SIN3B: variants seen among roughly 807,000 people sequenced by gnomAD.
SIN3B encodes the protein paired amphipathic helix protein Sin3b.
A neutral mutation model predicts 120.2 loss-of-function variants in SIN3B; 19 were observed. The ratio of observed to expected loss-of-function variants is 0.16; its 90% CI spans 0.11 to 0.23. The LOEUF is 0.23. Among genes scored for constraint, SIN3B ranks in the 10% least tolerant of loss-of-function variants. The pLI is 1.00. For synonymous variants in SIN3B, 654 were observed against 653.2 expected (o/e 1.00, Z -0.02); for missense variants, 1,073 against 1,573.0 (o/e 0.68, Z 5.38).
chr19:16,875,783 T>G (rs1213041661), intron 14 of SIN3B: 3 of 489,102 alleles, frequency 6.1e-6, no homozygotes, highest in Non-Finnish European at 1.1e-5. Context: ...TTTGGTCTGG[T>G]CTGGTCTGGT....
intron 3 of SIN3B, among the ~76,000 whole-genome samples, chr19:16,838,221 C>T (rs1259889518): frequency 4.0e-5 from 6 of 149,836 alleles, no homozygotes; most frequent in Non-Finnish European, 7.4e-5. Flanking sequence ...TGATACTGTT[C>T]ACATAACATA....
At chr19:16,875,674 TGGTCTGGTCTGGTCTGGTCTGGTCGGTTC>T (rs2051589913) in intron 14 of SIN3B, among the ~76,000 whole-genome samples, 1 of 147,772 alleles carries the variant, frequency 6.8e-6, no homozygotes, top group Non-Finnish European at 1.5e-5. Context: ...CTGTTTGGTC[TGGTCTGGTCTGGTCTGGTCTGGTCGGTTC>T]GGTCTGGTCT....
At chr19:16,852,678 C>T (rs1268528758) in intron 6 of SIN3B, among the ~76,000 whole-genome samples, 3 of 152,238 alleles carry the variant, frequency 2.0e-5, no homozygotes, top group Non-Finnish European at 2.9e-5. Context: ...CAACATTTGG[C>T]TTCTCCAGGG....
chr19:16,869,067 C>T (rs908501297), intron 12 of SIN3B, among the ~76,000 whole-genome samples: 10 of 152,292 alleles, frequency 6.6e-5, no homozygotes, highest in East Asian at 5.8e-4. Flanking sequence ...AGGAGGAGGT[C>T]AGCCTCAGAG....
At position 16,878,703 on chromosome 19, in the gene SIN3B, C is replaced by T. The variant is rs2051647174; in HGVS notation, c.3369C>T (p.Tyr1123=). ...GLPVTRYRVQ[Y]SRRPASP Reference sequence around the variant, plus strand: ...CCGTGACCCGCTACCGCGTGCAGTACAGCCGCCGCCCGGCCTCGCCCTGAC... The same window carrying T: ...CCGTGACCCGCTACCGCGTGCAGTATAGCCGCCGCCCGGCCTCGCCCTGAC... The change falls in exon 19 of 19, where the codon TAC becomes TAT. Residue 1123 remains tyrosine (Y), a synonymous_variant. Transcript: ENST00000248054. 1.9e-6 allele frequency: 3 copies of T among 1,607,516 alleles called. No individual in the cohort carries two copies. The highest frequency in any genetic ancestry group is 2.7e-5 in the African/African-American group (2 of 74,842).
chr19:16,853,195 A>C, intron 7 of SIN3B, 37 bp downstream of exon 7: 1 of 1,591,686 alleles, frequency 6.3e-7, no homozygotes, highest in South Asian at 1.1e-5. Flanking sequence ...TGGGGATGCC[A>C]TGTCCAGCTG....
chr19:16,866,556 G>A lies in SIN3B; in HGVS notation c.1806G>A (p.Glu602=), dbSNP rs1360381671. The change falls in exon 12 of 19, where the codon GAG becomes GAA. Residue 602 remains glutamate, a splice_region_variant and synonymous_variant. Transcript: ENST00000248054. ...ACGAGATCGAGAGCGTCTACGACGA[G>A]GTAAAGCCTTCCCTAGCCCTGCCGG... ...LLNEIESVYD[E]HQEQHSEGRS... 1 of 1,613,460 alleles carries A rather than the reference G, an allele frequency of 6.2e-7. No homozygotes were observed. Among genetic ancestry groups the A allele is most frequent in the Non-Finnish European group, 8.5e-7 (1 of 1,179,934 alleles).
Position 16,871,382 on chromosome 19 carries a change from A to C in SIN3B, c.2576A>C (p.Gln859Pro). 6.2e-7 allele frequency: 1 copy of C among 1,610,430 alleles called. No individual in the cohort carries two copies. The highest frequency in any genetic ancestry group is 8.5e-7 in the Non-Finnish European group (1 of 1,177,926). Residue 859 changes from glutamine (Q) to proline (P), a missense_variant, in exon 14 of 19, where the codon CAG becomes CCG. Gln to Pro is a moderately conservative substitution (Grantham distance 76). This residue lies in a region of SIN3B where 24 missense variants were observed against 65.7 expected (regional missense o/e 0.37). Coordinates refer to ENST00000248054, the MANE Select transcript of SIN3B (RefSeq NM_001297595.2). Reference protein sequence around the residue: ...YVGFTMDKLVQNIARQLHHLV... With the variant: ...YVGFTMDKLVPNIARQLHHLV... Reference sequence around the variant, plus strand: ...GGCTTCACCATGGACAAGCTGGTGCAGAACATTGCGCGGCAGGTGAGCCGG... The same window carrying C: ...GGCTTCACCATGGACAAGCTGGTGCCGAACATTGCGCGGCAGGTGAGCCGG...
chr19:16,879,408 G>C lies in SIN3B; in HGVS notation c.*681G>C, dbSNP rs2051663014. 1 of 152,358 alleles carries C rather than the reference G, an allele frequency of 6.6e-6. No individual in the cohort carries two copies. Among genetic ancestry groups the C allele is most frequent in the African/African-American group, 2.4e-5 (1 of 41,460 alleles). 9.4% of individuals were successfully genotyped at this position (152,358 alleles called of 1,614,324 possible). On this transcript the variant is annotated 3_prime_UTR_variant, in exon 19 of 19. Transcript: ENST00000248054. ...AAGACACCCAACCCCAACTCCAGCA[G>C]CTGGACTCTGGGCCCACAAGGGGAG...
In SIN3B at chr19:16,829,859, C is replaced by T. The variant is rs372681297; in HGVS notation, c.189C>T (p.Asn63=). ...IRFGSDPATY[N]GFLEIMKEFK... Reference sequence around the variant, plus strand: ...TTGGCAGCGACCCTGCCACCTACAACGGCTTCCTGGAGATCATGAAGGAGT... The same window carrying T: ...TTGGCAGCGACCCTGCCACCTACAATGGCTTCCTGGAGATCATGAAGGAGT... The change falls in exon 2 of 19, where the codon AAC becomes AAT. Residue 63 remains asparagine (N), a synonymous_variant. Coordinates refer to ENST00000248054, the MANE Select transcript of SIN3B (RefSeq NM_001297595.2). 8 of 1,613,690 alleles carry T rather than the reference C, an allele frequency of 5.0e-6. No individual in the cohort carries two copies. In the African/African-American group the frequency reaches 8.0e-5, roughly 16 times the overall value.
intron 3 of SIN3B, among the ~76,000 whole-genome samples, chr19:16,834,299 A>G (rs1971317289): frequency 6.6e-6 from 1 of 152,216 alleles, no homozygotes; most frequent in African/African-American, 2.4e-5. Context: ...AAAGAGCCAG[A>G]GTGAAAAGAT....
intron 14 of SIN3B, chr19:16,871,773 C>T (rs1260640653): frequency 5.1e-6 from 1 of 194,270 alleles, no homozygotes; most frequent in African/African-American, 2.4e-5. Flanking sequence ...CTGTAATACT[C>T]CATTGCGTGG....
In SIN3B at chr19:16,876,802, A is replaced by G; in HGVS notation, c.2859+224A>G. 1 of 498,534 alleles carries G rather than the reference A, an allele frequency of 2.0e-6. No homozygotes were observed. 30.9% of individuals were successfully genotyped at this position (498,534 alleles called of 1,614,324 possible). On this transcript the variant is annotated intron_variant, in intron 16 of 18. Coordinates refer to ENST00000248054, the MANE Select transcript of SIN3B (RefSeq NM_001297595.2). The surrounding 1 kb of genome is among the most constrained non-coding windows in gnomAD (Gnocchi z 7.1). ...TCCAAAGAGCAGACCACTCCTCCTG[A>G]GCAAGCGGTTGTGTCCCAGGGCAGG... is the stretch of plus-strand genomic sequence containing the variant.
chr19:16,837,718 C>T (rs1335416905), intron 3 of SIN3B, among the ~76,000 whole-genome samples: 1 of 151,996 alleles, frequency 6.6e-6, no homozygotes, highest in Non-Finnish European at 1.5e-5. Flanking sequence ...TGACAAGGAC[C>T]AGAGGGGGTT....
intron 5 of SIN3B, among the ~76,000 whole-genome samples, chr19:16,847,448 C>T (rs1216274044): frequency 6.6e-6 from 1 of 152,224 alleles, no homozygotes; most frequent in Non-Finnish European, 1.5e-5. Context: ...TGCCTGGGAC[C>T]CCAGCCCTGT....
At chr19:16,853,785 C>T (rs188497629) in intron 7 of SIN3B, among the ~76,000 whole-genome samples, 48 of 145,100 alleles carry the variant, frequency 3.3e-4, no homozygotes, top group Admixed American at 2.5e-3. Context: ...GTGAATTGCA[C>T]GGATCGCATG....
At chr19:16,874,573 T>TTGGTC (rs1443990436) in intron 14 of SIN3B, among the ~76,000 whole-genome samples, 1 of 150,834 alleles carries the variant, frequency 6.6e-6, no homozygotes, top group South Asian at 2.1e-4. Flanking sequence ...TTGGTCTGAT[T>TTGGTC]TGGTCTGGTC....
At chr19:16,836,454 G>C (rs2144577034) in intron 3 of SIN3B, among the ~76,000 whole-genome samples, 1 of 152,318 alleles carries the variant, frequency 6.6e-6, no homozygotes, top group African/African-American at 2.4e-5. Flanking sequence ...GCTCCACAGA[G>C]AGCCCCCTAG....
At chr19:16,831,460 A>G in intron 2 of SIN3B, 34 bp from the exon 3 acceptor site, 1 of 1,604,724 alleles carries the variant, frequency 6.2e-7, no homozygotes, top group Non-Finnish European at 8.5e-7. Context: ...TTATTTCCCA[A>G]GACCCTTTTG....
Sources: allele counts gnomAD v4.1 joint callset (sites outside exome capture counted in the v4.1 genomes callset), GRCh38; gene constraint gnomAD v4.1.1; regional missense constraint gnomAD v4.1.1; non-coding constraint Gnocchi (gnomAD v3.1); transcripts MANE v1.5; gene names NCBI Gene and HGNC (gene_info 2026-07-23, HGNC 2026-07-21).